PDE3B: variants seen among roughly 807,000 people sequenced by gnomAD.
The protein encoded by PDE3B is phosphodiesterase 3B, also known as cGMP-inhibited 3',5'-cyclic phosphodiesterase 3B.
Under a neutral mutation model 116.8 loss-of-function variants are expected in PDE3B, and 66 were observed. The ratio of observed to expected loss-of-function variants is 0.56; its 90% CI spans 0.46 to 0.69. The LOEUF (loss-of-function observed/expected upper bound fraction) is 0.69, where lower values mean the gene tolerates loss of function less well. PDE3B is among the 30% of genes least tolerant of loss of function. PDE3B has a pLI of 0.00. For missense variants in PDE3B, 1,384 were observed against 1,368.1 expected, an observed-to-expected ratio of 1.01 and a Z score of -0.18; for synonymous variants, 595 against 533.6, an observed-to-expected ratio of 1.12 and a Z score of -1.59.
rs139383737 is a variant in PDE3B at position 14,751,517 on chromosome 11, T to A, written c.979-20420T>A. Among the ~76,000 whole-genome samples, 5 of 152,310 alleles carry A rather than the reference T, an allele frequency of 3.3e-5. No homozygotes were observed. The East Asian group carries it at 9.6e-4, about 29-fold the overall frequency. On this transcript the variant is annotated intron_variant, in intron 1 of 15. Coordinates refer to ENST00000282096, the MANE Select transcript of PDE3B (RefSeq NM_000922.4). ...CACCTGATTTGTCATAAATTATTCC[T>A]TAAAACTTGTTTGTAATCAGTTGAT...
At chr11:14,836,986 C>T (rs1230610305) in intron 11 of PDE3B, among the ~76,000 whole-genome samples, 1 of 152,066 alleles carries the variant, frequency 6.6e-6, no homozygotes, top group Non-Finnish European at 1.5e-5. Context: ...GCTAATTTTT[C>T]GTATTTTAGT....
intron 1 of PDE3B, among the ~76,000 whole-genome samples, chr11:14,690,422 C>T (rs1194920677): frequency 6.6e-6 from 1 of 151,848 alleles, no homozygotes; most frequent in Non-Finnish European, 1.5e-5. Context: ...ATATAATTGC[C>T]ATATGAAGAG....
chr11:14,798,592 T>A (rs1190882265), intron 4 of PDE3B, among the ~76,000 whole-genome samples: 2 of 152,240 alleles, frequency 1.3e-5, no homozygotes, highest in Non-Finnish European at 2.9e-5. Flanking sequence ...GGCTATTAAT[T>A]ACTGCCTCCA....
At chr11:14,830,966 C>A in intron 8 of PDE3B, 120 bp downstream of exon 8, 1 of 503,420 alleles carries the variant, frequency 2.0e-6, no homozygotes, top group Non-Finnish European at 3.2e-6. Context: ...AATTTTTTTA[C>A]TTATAAGTCA....
intron 1 of PDE3B, among the ~76,000 whole-genome samples, chr11:14,735,324 T>C (rs1245495689): frequency 1.3e-5 from 2 of 152,234 alleles, no homozygotes; most frequent in Non-Finnish European, 1.5e-5. Context: ...ATAAAACCTT[T>C]GAATCTTGGA....
intron 1 of PDE3B, among the ~76,000 whole-genome samples, chr11:14,731,683 G>C (rs759374448): frequency 1.3e-5 from 2 of 152,166 alleles, no homozygotes; most frequent in Non-Finnish European, 2.9e-5. Context: ...AGTTCTCACA[G>C]AGAAACTCAG....
chr11:14,806,322 C>T (rs1858923240), intron 5 of PDE3B, among the ~76,000 whole-genome samples: 1 of 151,386 alleles, frequency 6.6e-6, no homozygotes, highest in Admixed American at 6.6e-5. Flanking sequence ...GTGGCAGGCA[C>T]CTGTAGTTGC....
chr11:14,816,415 CT>C (rs1292333544), intron 5 of PDE3B, among the ~76,000 whole-genome samples: 1 of 133,426 alleles, frequency 7.5e-6, no homozygotes, highest in Non-Finnish European at 1.7e-5. Context: ...TGAGACTTTA[CT>C]TGGGTCTTTA....
At chr11:14,880,584 C>T in the PDE3B span, 40 of 1,613,082 alleles carry the variant, frequency 2.5e-5, no homozygotes, top group East Asian at 4.7e-4. Flanking sequence ...AAACAGCATT[C>T]GTTATTAACT....
rs112738883 is a variant in PDE3B at position 14,783,535 on chromosome 11, T to C, written c.1030-2902T>C. Among the ~76,000 whole-genome samples the C allele has an allele frequency of 4.6e-3, 705 of 152,116 alleles. 4 individuals carry two copies. Among genetic ancestry groups the C allele is most frequent in the African/African-American group, 0.015 (630 of 41,498 alleles). On this transcript the variant is annotated intron_variant, in intron 2 of 15. Transcript: ENST00000282096. ...CAGAAAACCAAACACCGCATGTTCT[T>C]ACTCATAGGTGGGAATTGGATAGTG...
intron 4 of PDE3B, among the ~76,000 whole-genome samples, chr11:14,799,356 G>A (rs537487796): frequency 1.8e-4 from 27 of 152,208 alleles, no homozygotes; most frequent in African/African-American, 4.8e-4. Context: ...TTCCCATTAC[G>A]TGGTCAATCT....
intron 13 of PDE3B, among the ~76,000 whole-genome samples, chr11:14,860,323 A>G (rs1342924466): frequency 1.3e-5 from 2 of 151,590 alleles, no homozygotes; most frequent in East Asian, 1.9e-4. Context: ...TTAAGTTTCA[A>G]TCAAAAGAGC....
chr11:14,861,026 A>G (rs572561966), intron 13 of PDE3B, among the ~76,000 whole-genome samples, 179 bp from the exon 14 acceptor site: 2 of 152,300 alleles, frequency 1.3e-5, no homozygotes, highest in South Asian at 2.1e-4. Flanking sequence ...TAGAAAGGAA[A>G]TTTAACCAAT....
intron 7 of PDE3B, among the ~76,000 whole-genome samples, chr11:14,828,365 T>C (rs545648093): frequency 1.3e-5 from 2 of 152,174 alleles, no homozygotes; most frequent in East Asian, 3.9e-4. Flanking sequence ...AAATAAACTA[T>C]CAGCAGAGTA....
At chr11:14,714,636 G>A (rs1855822249) in intron 1 of PDE3B, among the ~76,000 whole-genome samples, 1 of 151,660 alleles carries the variant, frequency 6.6e-6, no homozygotes, top group East Asian at 1.9e-4. Context: ...GATGACTGAT[G>A]CCCCAAGATG....
intron 1 of PDE3B, among the ~76,000 whole-genome samples, chr11:14,718,759 C>T (rs1322253820): frequency 9.1e-5 from 13 of 143,340 alleles, no homozygotes; most frequent in Non-Finnish European, 1.5e-4. Flanking sequence ...ATCTCTGGGA[C>T]GCATTCAAAG....
At chr11:14,731,105 G>A (rs1164850650) in intron 1 of PDE3B, among the ~76,000 whole-genome samples, 6 of 151,990 alleles carry the variant, frequency 3.9e-5, no homozygotes, top group Non-Finnish European at 8.8e-5. Context: ...TTACATACAG[G>A]AACAGGTAAT....
chr11:14,655,113 CTT>C (rs1853677489), intron 1 of PDE3B, among the ~76,000 whole-genome samples: 1 of 151,976 alleles, frequency 6.6e-6, no homozygotes, highest in South Asian at 2.1e-4. Flanking sequence ...ACTGTATACT[CTT>C]TGCAAACATA....
chr11:14,859,010 G>A (rs1847898673), intron 12 of PDE3B, 33 bp from the exon 13 acceptor site: 2 of 1,451,020 alleles, frequency 1.4e-6, no homozygotes, highest in African/African-American at 1.4e-5. Context: ...TATCTTTGAG[G>A]TGTCTGCCTC....
Sources: gnomAD v4.1 joint callset for allele counts (sites outside exome capture counted in the v4.1 genomes callset) on GRCh38, gnomAD v4.1.1 for gene constraint, MANE v1.5 for transcripts, NCBI Gene and HGNC (gene_info 2026-07-23, HGNC 2026-07-21) for gene names.